Variants in SLC4A5 observed in about 807,000 individuals in gnomAD.
SLC4A5 encodes solute carrier family 4 member 5, also known as electrogenic sodium bicarbonate cotransporter 4.
In SLC4A5, 96 loss-of-function variants were observed where a neutral mutation model predicts 120.4. That is an observed-to-expected ratio of 0.80 (90% CI 0.68 to 0.94). The LOEUF is 0.94. Ranked by LOEUF, SLC4A5 falls within the 40% of genes least tolerant of loss-of-function variation. The pLI, the probability that SLC4A5 is intolerant of heterozygous loss-of-function variation, is 0.00. For missense variants in SLC4A5, 1,259 were observed against 1,459.5 expected (o/e 0.86, Z 2.24); for synonymous variants, 550 against 571.1 (o/e 0.96, Z 0.53).
intron 29 of SLC4A5, among the ~76,000 whole-genome samples, chr2:74,222,044 T>G (rs1017629007): frequency 3.3e-5 from 5 of 152,136 alleles, no homozygotes; most frequent in African/African-American, 7.2e-5. Context: ...CCCTCTCAGC[T>G]GTCTGCTGAG....
intron 30 of SLC4A5, among the ~76,000 whole-genome samples, chr2:74,219,629 G>C (rs982252301): frequency 6.6e-6 from 1 of 152,080 alleles, no homozygotes; most frequent in Non-Finnish European, 1.5e-5. Context: ...CTGTCTTAGG[G>C]CCTTGTGTAA....
rs774246287 is a variant in SLC4A5 at position 74,304,716 on chromosome 2, T to G, written c.80-36A>C. On this transcript the variant is annotated intron_variant, in intron 6 of 30. Coordinates refer to ENST00000394019, the Ensembl canonical transcript of SLC4A5. ...GGCACAAAAGACAGGGGAGGCAGGG[T>G]TACTGAAAATTGGCATTTTTTCATA... 4 of 1,567,252 alleles carry G rather than the reference T, an allele frequency of 2.6e-6. No homozygotes were observed. In the South Asian group the frequency reaches 3.6e-5, roughly 14 times the overall value.
chr2:74,224,808 T>C (rs371252754), intron 28 of SLC4A5, 32 bp downstream of exon 28: 1 of 1,589,054 alleles, frequency 6.3e-7, no homozygotes, highest in Non-Finnish European at 8.5e-7. Flanking sequence ...TCTCAATTTC[T>C]CCTCTGTGCC....
rs200429417 is a variant in SLC4A5 at position 74,226,964 on chromosome 2, G to A, written c.3083C>T (p.Pro1028Leu). 49 of 1,613,226 alleles carry A rather than the reference G, an allele frequency of 3.0e-5. No homozygotes were observed. Among genetic ancestry groups the A allele is most frequent in the Non-Finnish European group, 3.7e-5 (44 of 1,179,556 alleles). The change falls in exon 27 of 31, where the codon CCG becomes CTG. Residue 1028 changes from proline (P) to leucine (L), a missense_variant. Coordinates refer to ENST00000394019, the Ensembl canonical transcript of SLC4A5. ...AGCCCGTGCCCACTTTACCATGACC[G>A]GGAAGATGATGGCAGCCACCGTGGA...
intron 20 of SLC4A5, 93 bp from the exon 21 acceptor site, chr2:74,239,628 C>G (rs1670374207): frequency 1.6e-6 from 2 of 1,283,930 alleles, no homozygotes; most frequent in Non-Finnish European, 2.2e-6. Flanking sequence ...GCCAGCATAC[C>G]TTCCCACCCT....
chr2:74,219,207 GTGTGTGTGTGTGTT>G (rs879714532), intron 30 of SLC4A5, among the ~76,000 whole-genome samples: 328 of 118,686 alleles, frequency 2.8e-3, no homozygotes, highest in African/African-American at 8.6e-3. Context: ...GTGTGTGTGT[GTGTGTGTGTGTGTT>G]TGTGTGTGTT....
chr2:74,316,385 A>T (rs1488472121), intron 5 of SLC4A5, among the ~76,000 whole-genome samples: 1 of 147,278 alleles, frequency 6.8e-6, no homozygotes, highest in South Asian at 2.2e-4. Flanking sequence ...AAGCCTCCCC[A>T]CCAACTGAAC....
chr2:74,239,473 G>A, exon 21 of SLC4A5: 1 of 1,614,038 alleles, frequency 6.2e-7, no homozygotes, highest in Non-Finnish European at 8.5e-7. Flanking sequence ...GCCCGCCGTA[G>A]CTCAGACACT....
Position 74,296,786 on chromosome 2 carries a change from CA to C in SLC4A5, c.271+7702del, listed in dbSNP as rs11374814. Among the ~76,000 whole-genome samples, 257 of 73,032 alleles carry C rather than the reference CA, an allele frequency of 3.5e-3. 1 individual carries two copies. Among genetic ancestry groups the C allele is most frequent in the Non-Finnish European group, 4.7e-3 (157 of 33,358 alleles). The allele number at this position is 73,032 out of a possible 152,430, so 47.9% of individuals were successfully genotyped here. ...TGGGTGACGGAGCAAGACTCTGTCTCAAAAAAAAAAAAAAAAAAAAGAAAGC... is the reference window on the plus strand; with the variant it reads ...TGGGTGACGGAGCAAGACTCTGTCTCAAAAAAAAAAAAAAAAAAAGAAAGC... On this transcript the variant is annotated intron_variant, in intron 7 of 30. Transcript: ENST00000394019.
rs185113509 is a variant in SLC4A5 at position 74,276,313 on chromosome 2, T to C, written c.401+9460A>G. Among the ~76,000 whole-genome samples, 10 of 152,308 alleles carry C rather than the reference T, an allele frequency of 6.6e-5. No homozygotes were observed. In the East Asian group the frequency reaches 1.7e-3, roughly 26 times the overall value. Reference sequence around the variant, plus strand: ...CATAAGCTCTTTAAGAACAGATTCATATTTTACTCATTTTAATTCTCCCAC... The same window carrying C: ...CATAAGCTCTTTAAGAACAGATTCACATTTTACTCATTTTAATTCTCCCAC... On this transcript the variant is annotated intron_variant, in intron 8 of 30. Transcript: ENST00000394019.
At chr2:74,332,440 G>A (rs1673385524) in intron 4 of SLC4A5, among the ~76,000 whole-genome samples, 2 of 152,104 alleles carry the variant, frequency 1.3e-5, no homozygotes, top group African/African-American at 4.8e-5. Flanking sequence ...TGATCTTCAG[G>A]CATCTTCCTC....
In SLC4A5 at chr2:74,222,543, C is replaced by T. The variant is rs184098726; in HGVS notation, c.3331+325G>A. Among the ~76,000 whole-genome samples, 350 of 152,260 alleles carry T rather than the reference C, an allele frequency of 2.3e-3. 3 individuals are homozygous for T. The highest frequency in any genetic ancestry group is 8.1e-3 in the African/African-American group (337 of 41,548). On this transcript the variant is annotated intron_variant, in intron 29 of 30. Coordinates refer to ENST00000394019, the Ensembl canonical transcript of SLC4A5. ...GCGAGCAAGCATTAACCCCTGTGCT[C>T]CAGCTCCGGTGGGATCAGTGGCAGC...
intron 7 of SLC4A5, among the ~76,000 whole-genome samples, chr2:74,297,113 C>T (rs1672353977): frequency 6.6e-6 from 1 of 152,132 alleles, no homozygotes; most frequent in Non-Finnish European, 1.5e-5. Context: ...TTTTCACACT[C>T]CTTCCATCAG....
At chr2:74,266,165 A>G (rs1159952986) in intron 8 of SLC4A5, among the ~76,000 whole-genome samples, 1 of 152,210 alleles carries the variant, frequency 6.6e-6, no homozygotes, top group Admixed American at 6.5e-5. Flanking sequence ...ACATATAGAA[A>G]CTTGCGGAGA....
chr2:74,259,515 T>A, intron 12 of SLC4A5, 73 bp downstream of exon 12: 2 of 1,495,764 alleles, frequency 1.3e-6, no homozygotes, highest in Non-Finnish European at 1.9e-6. Flanking sequence ...CCATAGGGGA[T>A]CCCTGCTCCT....
intron 12 of SLC4A5, among the ~76,000 whole-genome samples, chr2:74,257,452 G>A (rs1036373399): frequency 2.0e-5 from 3 of 152,126 alleles, no homozygotes; most frequent in Non-Finnish European, 2.9e-5. Flanking sequence ...CACCGTCTCC[G>A]AGCATCAGGC....
At chr2:74,292,911 G>A (rs1436864738) in intron 7 of SLC4A5, among the ~76,000 whole-genome samples, 2 of 152,082 alleles carry the variant, frequency 1.3e-5, no homozygotes, top group Admixed American at 6.6e-5. Flanking sequence ...TGTTCACATC[G>A]CACTGCTGGC....
chr2:74,276,697 T>TCATTACTACAGGTATGAAAGACATATTCA (rs1553456076), intron 8 of SLC4A5, among the ~76,000 whole-genome samples: 2 of 152,102 alleles, frequency 1.3e-5, no homozygotes, highest in African/African-American at 2.4e-5. Flanking sequence ...AAAGACATAT[T>TCATTACTACAGGTATGAAAGACATATTCA]TGGGGTGTCT....
In SLC4A5 at chr2:74,255,973, A is replaced by G. The variant is rs757215443; in HGVS notation, c.868-41T>C. 7.5e-6 allele frequency: 12 copies of G among 1,603,602 alleles called. No individual in the cohort carries two copies. The highest frequency in any genetic ancestry group is 8.5e-6 in the Non-Finnish European group (10 of 1,171,952). Reference sequence around the variant, plus strand: ...AAACGAGATAGCCAAGGAGACTCCCACCTGCTCTCACTCCCTCACTCCCCT... The same window carrying G: ...AAACGAGATAGCCAAGGAGACTCCCGCCTGCTCTCACTCCCTCACTCCCCT... On this transcript the variant is annotated intron_variant, in intron 12 of 30. Coordinates refer to ENST00000394019, the Ensembl canonical transcript of SLC4A5. This position sits in a 1 kb window ranked among gnomAD's most constrained non-coding sequence, Gnocchi z 4.0.
Sources: gnomAD v4.1 joint callset for allele counts (sites outside exome capture counted in the v4.1 genomes callset) on GRCh38, gnomAD v4.1.1 for gene constraint, Gnocchi (gnomAD v3.1) non-coding constraint, MANE v1.5 for transcripts, NCBI Gene and HGNC (gene_info 2026-07-23, HGNC 2026-07-21) for gene names.